The following GULP1 variants were observed in gnomAD, a reference collection of about 807,000 sequenced individuals.
The protein encoded by GULP1 is PTB domain-containing engulfment adapter protein 1.
GULP1 carries 19 observed loss-of-function variants against 40.9 expected under a neutral mutation model. The ratio of observed to expected loss-of-function variants is 0.46; its 90% confidence interval spans 0.32 to 0.68. GULP1 has a LOEUF of 0.68. GULP1 is among the 30% of genes least tolerant of loss of function. The pLI is 0.03. For missense variants in GULP1, 312 were observed against 362.2 expected (o/e 0.86, Z 1.12); for synonymous variants, 119 against 117.6 (o/e 1.01, Z -0.08).
intron 2 of GULP1, among the ~76,000 whole-genome samples, chr2:188,398,274 G>C (rs1166620186): frequency 6.6e-6 from 1 of 152,218 alleles, no homozygotes; most frequent in African/African-American, 2.4e-5. Context: ...CGAACTATGA[G>C]AGAATAAATT....
At chr2:188,576,758 C>G (rs1480300825) in intron 9 of GULP1, among the ~76,000 whole-genome samples, 1 of 152,034 alleles carries the variant, frequency 6.6e-6, no homozygotes, top group Admixed American at 6.6e-5. Flanking sequence ...TATACAGTCA[C>G]TTAGATACAC....
intron 2 of GULP1, among the ~76,000 whole-genome samples, chr2:188,424,261 T>A (rs1485592209): frequency 6.6e-6 from 1 of 151,916 alleles, no homozygotes; most frequent in African/African-American, 2.4e-5. Context: ...TACAAAAATC[T>A]CATCAAAATT....
chr2:188,330,004 A>T (rs1183291543), intron 1 of GULP1, among the ~76,000 whole-genome samples: 1 of 152,154 alleles, frequency 6.6e-6, no homozygotes, highest in Non-Finnish European at 1.5e-5. Context: ...AAGTAGTTGT[A>T]TTTAGGCAGT....
chr2:188,408,717 A>G (rs534064015), intron 2 of GULP1, among the ~76,000 whole-genome samples: 1 of 152,206 alleles, frequency 6.6e-6, no homozygotes, highest in South Asian at 2.1e-4. Flanking sequence ...CAGCATACAC[A>G]TTTTTCTCAA....
intron 3 of GULP1, among the ~76,000 whole-genome samples, chr2:188,480,600 G>GAAA (rs1438543566): frequency 6.6e-6 from 1 of 151,700 alleles, no homozygotes; most frequent in Non-Finnish European, 1.5e-5. Context: ...ATATCATTTT[G>GAAA]AGCTCTTTTG....
At chr2:188,580,996 T>C (rs1190259103) in intron 9 of GULP1, among the ~76,000 whole-genome samples, 1 of 152,102 alleles carries the variant, frequency 6.6e-6, no homozygotes, top group Non-Finnish European at 1.5e-5. Context: ...CCTCATCACA[T>C]TGTATTTGGT....
intron 2 of GULP1, among the ~76,000 whole-genome samples, chr2:188,406,388 A>G (rs908106199): frequency 1.3e-5 from 2 of 152,204 alleles, no homozygotes; most frequent in African/African-American, 4.8e-5. Context: ...CCATTAACCA[A>G]AATTTTGATA....
chr2:188,302,088 A>T (rs568797334), intron 1 of GULP1, among the ~76,000 whole-genome samples: 16 of 152,326 alleles, frequency 1.1e-4, no homozygotes, highest in African/African-American at 3.4e-4. Flanking sequence ...TTTTAGAAGT[A>T]GTAATTTAGA....
chr2:188,447,339 G>T (rs1285756916), intron 2 of GULP1, among the ~76,000 whole-genome samples: 1 of 152,140 alleles, frequency 6.6e-6, no homozygotes, highest in Non-Finnish European at 1.5e-5. Flanking sequence ...CCATCTTCCA[G>T]CCCCCATGAT....
At chr2:188,544,846 C>T (rs892338352) in intron 7 of GULP1, among the ~76,000 whole-genome samples, 6 of 151,908 alleles carry the variant, frequency 3.9e-5, no homozygotes, top group African/African-American at 1.2e-4. Flanking sequence ...AAAACTTTCC[C>T]GATTTGACAA....
At chr2:188,430,397 A>T (rs1005906099) in intron 2 of GULP1, among the ~76,000 whole-genome samples, 2 of 152,210 alleles carry the variant, frequency 1.3e-5, no homozygotes, top group East Asian at 3.8e-4. Flanking sequence ...GTTTTTGCTT[A>T]TGGGAAGCTC....
intron 5 of GULP1, among the ~76,000 whole-genome samples, chr2:188,524,609 T>G (rs939006846): frequency 6.6e-6 from 1 of 150,856 alleles, no homozygotes; most frequent in Non-Finnish European, 1.5e-5. Context: ...TATATATTTT[T>G]TTTTTGCTTT....
chr2:188,492,975 T>G (rs1176657851), intron 4 of GULP1, among the ~76,000 whole-genome samples: 2 of 152,120 alleles, frequency 1.3e-5, no homozygotes, highest in African/African-American at 4.8e-5. Flanking sequence ...TGTTTCTTAT[T>G]TTAGTCTTAC....
At chr2:188,336,035 T>C (rs928542627) in intron 1 of GULP1, among the ~76,000 whole-genome samples, 1 of 152,228 alleles carries the variant, frequency 6.6e-6, no homozygotes, top group African/African-American at 2.4e-5. Context: ...GAAATACCTA[T>C]GCATGTTGTG....
intron 7 of GULP1, among the ~76,000 whole-genome samples, chr2:188,563,112 T>C (rs986952678): frequency 1.3e-5 from 2 of 151,854 alleles, no homozygotes; most frequent in African/African-American, 2.4e-5. Context: ...TAAAGTTAAA[T>C]GAAAACAAGA....
intron 2 of GULP1, among the ~76,000 whole-genome samples, chr2:188,447,429 A>G (rs565502723): frequency 1.7e-4 from 26 of 152,178 alleles, no homozygotes; most frequent in Non-Finnish European, 3.4e-4. Flanking sequence ...GGGGGGCCTT[A>G]TAAGTTTTTT....
At chr2:188,426,439 A>G (rs962361919) in intron 2 of GULP1, among the ~76,000 whole-genome samples, 11 of 152,186 alleles carry the variant, frequency 7.2e-5, no homozygotes, top group African/African-American at 2.7e-4. Context: ...TTCCTGGATC[A>G]GGAAAAGACC....
intron 4 of GULP1, among the ~76,000 whole-genome samples, chr2:188,505,945 A>G (rs952307453): frequency 6.6e-6 from 1 of 151,846 alleles, no homozygotes; most frequent in African/African-American, 2.4e-5. Flanking sequence ...GCATGACCTT[A>G]TTAATGAGAT....
chr2:188,310,423 G>C (rs1003923970), intron 1 of GULP1, among the ~76,000 whole-genome samples: 1 of 152,194 alleles, frequency 6.6e-6, no homozygotes, highest in Non-Finnish European at 1.5e-5. Context: ...GAAATTGTTG[G>C]TTGATTGGAT....
Sources: gnomAD v4.1 joint callset for allele counts (sites outside exome capture counted in the v4.1 genomes callset) on GRCh38, gnomAD v4.1.1 for gene constraint, MANE v1.5 for transcripts, NCBI Gene and HGNC (gene_info 2026-07-23, HGNC 2026-07-21) for gene names.